Variants in ANO3 observed in about 807,000 individuals in gnomAD.
ANO3 encodes the protein anoctamin 3.
Under a neutral mutation model 144.8 loss-of-function variants are expected in ANO3, and 99 were observed. That is an observed-to-expected ratio of 0.68 (90% confidence interval 0.58 to 0.81). The LOEUF is 0.81. Ranked by LOEUF, ANO3 falls within the 30% of genes least tolerant of loss-of-function variation. The pLI, the probability that ANO3 is intolerant of heterozygous loss-of-function variation, is 0.00. For missense variants in ANO3, 905 were observed against 1,202.2 expected (o/e 0.75, Z 3.66); for synonymous variants, 414 against 392.6 (o/e 1.05, Z -0.64).
rs1384599959 is a variant in ANO3 at position 26,653,128 on chromosome 11, C to A, written c.2577-2997C>A. On this transcript the variant is annotated intron_variant, in intron 24 of 26. Coordinates refer to ENST00000256737, the MANE Select transcript of ANO3 (RefSeq NM_031418.4). ...GACCATCTAATTCAGTTTCATGGAT[C>A]GATCTACGCTCATACCTGAATTCTA... Among the ~76,000 whole-genome samples, 6 of 152,190 alleles carry A rather than the reference C, an allele frequency of 3.9e-5. No individual in the cohort carries two copies. In the South Asian group the frequency reaches 6.2e-4, roughly 16 times the overall value.
At chr11:26,458,587 A>G (rs2134050915) in intron 3 of ANO3, among the ~76,000 whole-genome samples, 1 of 152,294 alleles carries the variant, frequency 6.6e-6, no homozygotes, top group African/African-American at 2.4e-5. Flanking sequence ...ACAGCTTTTT[A>G]ACTTAAGATT....
intron 1 of ANO3, among the ~76,000 whole-genome samples, chr11:26,378,397 AT>A (rs1253010236): frequency 7.7e-6 from 1 of 130,310 alleles, no homozygotes; most frequent in Non-Finnish European, 1.6e-5. Context: ...TAATCTATAT[AT>A]TATCTATCTA....
At chr11:26,228,634 A>G (rs1207135417) in intron 1 of ANO3, among the ~76,000 whole-genome samples, 2 of 152,224 alleles carry the variant, frequency 1.3e-5, no homozygotes, top group East Asian at 3.8e-4. Context: ...CCCCAAAGTT[A>G]GCACCACAGA....
chr11:26,440,418 A>C (rs979711178), intron 1 of ANO3, among the ~76,000 whole-genome samples: 1 of 152,192 alleles, frequency 6.6e-6, no homozygotes, highest in African/African-American at 2.4e-5. Flanking sequence ...AAAAATAAGC[A>C]AAAGAGTAGT....
intron 1 of ANO3, among the ~76,000 whole-genome samples, chr11:26,275,699 T>C (rs1224090741): frequency 4.6e-5 from 7 of 152,124 alleles, no homozygotes; most frequent in Admixed American, 3.3e-4. Flanking sequence ...AGGGTGAATG[T>C]TCTAGTGCAG....
intron 1 of ANO3, among the ~76,000 whole-genome samples, chr11:26,198,894 G>A (rs1851638782): frequency 6.6e-6 from 1 of 152,178 alleles, no homozygotes; most frequent in Non-Finnish European, 1.5e-5. Context: ...ACTTGCAACA[G>A]TAAGAGTTCT....
chr11:26,593,592 T>G (rs1851517916), intron 14 of ANO3, among the ~76,000 whole-genome samples: 1 of 152,154 alleles, frequency 6.6e-6, no homozygotes, highest in Non-Finnish European at 1.5e-5. Context: ...GCACCCTCAG[T>G]CCTGCTGCTG....
chr11:26,440,014 G>A (rs1858455948), intron 1 of ANO3, among the ~76,000 whole-genome samples: 1 of 152,022 alleles, frequency 6.6e-6, no homozygotes, highest in South Asian at 2.1e-4. Flanking sequence ...TAATAGGCAC[G>A]CCACAATAAA....
intron 1 of ANO3, among the ~76,000 whole-genome samples, chr11:26,317,148 T>C (rs1854644328): frequency 6.6e-6 from 1 of 151,918 alleles, no homozygotes; most frequent in Non-Finnish European, 1.5e-5. Flanking sequence ...AGTCTCAGTG[T>C]GAAATAACAT....
intron 1 of ANO3, among the ~76,000 whole-genome samples, chr11:26,284,824 G>A (rs1245372211): frequency 1.3e-5 from 2 of 152,134 alleles, no homozygotes; most frequent in East Asian, 1.9e-4. Flanking sequence ...AAGATGACGT[G>A]AACCTGGGAG....
At position 26,491,140 on chromosome 11, in the gene ANO3, AT is replaced by A. The variant is rs564403991; in HGVS notation, c.433-16959del. On this transcript the variant is annotated intron_variant, in intron 4 of 26. Coordinates refer to ENST00000256737, the MANE Select transcript of ANO3 (RefSeq NM_031418.4). ...CTGATAAATGTATCTATTCTTGTAC[AT>A]TTTTCCCCTTCCTGTGTCTTACAAG... Among the ~76,000 whole-genome samples, 518 of 152,244 alleles carry A rather than the reference AT, an allele frequency of 3.4e-3. 3 individuals carry two copies. Among genetic ancestry groups the A allele is most frequent in the African/African-American group, 0.012 (494 of 41,542 alleles).
intron 1 of ANO3, among the ~76,000 whole-genome samples, chr11:26,325,092 A>C: frequency 6.6e-6 from 1 of 152,164 alleles, no homozygotes; most frequent in Non-Finnish European, 1.5e-5. Flanking sequence ...TTTATTGTGC[A>C]AAATGTAATG....
intron 17 of ANO3, among the ~76,000 whole-genome samples, chr11:26,606,282 G>A (rs1351280098): frequency 1.3e-5 from 2 of 152,164 alleles, no homozygotes; most frequent in South Asian, 2.1e-4. Flanking sequence ...TTGCAGTGTG[G>A]TCTGAGAGAC....
chr11:26,594,225 C>A (rs1851540282), intron 14 of ANO3, among the ~76,000 whole-genome samples: 1 of 152,146 alleles, frequency 6.6e-6, no homozygotes, highest in Non-Finnish European at 1.5e-5. Context: ...CAATCTCCAT[C>A]TTCTGATTTT....
At chr11:26,276,813 CT>C (rs1324375341) in intron 1 of ANO3, among the ~76,000 whole-genome samples, 1 of 152,082 alleles carries the variant, frequency 6.6e-6, no homozygotes, top group African/African-American at 2.4e-5. Flanking sequence ...GTTTTCATTA[CT>C]TTTGGGCTTT....
intron 1 of ANO3, among the ~76,000 whole-genome samples, chr11:26,279,820 T>C (rs1438721078): frequency 6.6e-6 from 1 of 152,192 alleles, no homozygotes; most frequent in African/African-American, 2.4e-5. Context: ...GCTGTTTTAT[T>C]TTAAGATTAC....
chr11:26,610,681 G>A (rs1441147301), intron 17 of ANO3, among the ~76,000 whole-genome samples: 1 of 151,954 alleles, frequency 6.6e-6, no homozygotes, highest in Non-Finnish European at 1.5e-5. Context: ...GTCTTTAATT[G>A]CAATTGAGTT....
chr11:26,432,961 A>T (rs1206569411), intron 1 of ANO3, among the ~76,000 whole-genome samples: 1 of 152,142 alleles, frequency 6.6e-6, no homozygotes, highest in Admixed American at 6.6e-5. Flanking sequence ...AGTTTGATAG[A>T]ATAGCACTGA....
intron 12 of ANO3, among the ~76,000 whole-genome samples, chr11:26,548,278 A>G (rs1251384202): frequency 6.6e-6 from 1 of 152,000 alleles, no homozygotes; most frequent in Non-Finnish European, 1.5e-5. Flanking sequence ...AGATTTGGAA[A>G]TAGGAACAGC....
Sources: gnomAD v4.1 joint callset for allele counts (sites outside exome capture counted in the v4.1 genomes callset) on GRCh38, gnomAD v4.1.1 for gene constraint, MANE v1.5 for transcripts, NCBI Gene and HGNC (gene_info 2026-07-23, HGNC 2026-07-21) for gene names.